Variants in IMMP2L observed in about 807,000 individuals in gnomAD.
IMMP2L encodes inner mitochondrial membrane peptidase subunit 2.
A neutral mutation model predicts 19.3 loss-of-function variants in IMMP2L; 18 were observed. That is an observed-to-expected ratio of 0.93 (90% CI 0.64 to 1.38). The LOEUF is 1.38. IMMP2L is among the 40% of genes most tolerant of loss of function. The pLI, the probability that IMMP2L is intolerant of heterozygous loss-of-function variation, is 0.00. For missense variants in IMMP2L, 233 were observed against 218.2 expected (o/e 1.07, Z -0.43); for synonymous variants, 76 against 73.0 (o/e 1.04, Z -0.21).
At chr7:110,669,083 G>GTATATATA (rs1791695580) in intron 5 of IMMP2L, among the ~76,000 whole-genome samples, 2 of 101,338 alleles carry the variant, frequency 2.0e-5, no homozygotes, top group African/African-American at 5.6e-5. Flanking sequence ...GTGTGTGTGT[G>GTATATATA]TGTGTGTATA....
chr7:111,088,730 C>T (rs753459418), intron 3 of IMMP2L, among the ~76,000 whole-genome samples: 6 of 152,124 alleles, frequency 3.9e-5, no homozygotes, highest in Admixed American at 2.6e-4. Context: ...TCATATGGTA[C>T]TTCATTATAT....
chr7:110,986,204 C>G (rs999536492), intron 3 of IMMP2L, among the ~76,000 whole-genome samples: 1 of 151,822 alleles, frequency 6.6e-6, no homozygotes, highest in African/African-American at 2.4e-5. Context: ...TTAAAATATG[C>G]TGAGCTTAAA....
intron 3 of IMMP2L, among the ~76,000 whole-genome samples, chr7:111,282,151 T>C (rs1819955825): frequency 6.6e-6 from 1 of 152,104 alleles, no homozygotes; most frequent in South Asian, 2.1e-4. Context: ...TTGGCTATGA[T>C]GGAAAACAAG....
At chr7:110,893,242 T>A (rs1042394701) in intron 4 of IMMP2L, among the ~76,000 whole-genome samples, 28 of 152,124 alleles carry the variant, frequency 1.8e-4, no homozygotes, top group Admixed American at 1.6e-3. Flanking sequence ...AAAACCAACA[T>A]ATTCTTTTGG....
intron 3 of IMMP2L, among the ~76,000 whole-genome samples, chr7:111,251,196 A>ATTTTTTTTTTTTTTTAT: frequency 6.6e-6 from 1 of 152,226 alleles, no homozygotes; most frequent in Non-Finnish European, 1.5e-5. Context: ...AATCACAATG[A>ATTTTTTTTTTTTTTTAT]GATACCATCT....
rs1837538200 is a variant in IMMP2L, at chr7:111,439,767, A to C, written c.239+47471T>G. Among the ~76,000 whole-genome samples, 4 of 151,882 alleles carry C rather than the reference A, an allele frequency of 2.6e-5. No homozygotes were observed. The East Asian group carries it at 7.7e-4, about 29-fold the overall frequency. ...GCTGCATCAATTGGCTCTTCTCTTC[A>C]TGAAAGATTTCTCTGTAGCATGCAT... On this transcript the variant is annotated intron_variant, in intron 3 of 5. Transcript: ENST00000405709.
chr7:111,348,825 G>C (rs1008943082), intron 3 of IMMP2L, among the ~76,000 whole-genome samples: 2 of 151,926 alleles, frequency 1.3e-5, no homozygotes, highest in Non-Finnish European at 2.9e-5. Context: ...GACATCCAAG[G>C]GTTCTGGTAT....
chr7:111,536,684 T>C lies in IMMP2L; in HGVS notation c.-2-15235A>G, dbSNP rs555042667. Among the ~76,000 whole-genome samples the C allele has an allele frequency of 4.6e-5, 7 of 152,244 alleles. No individual in the cohort carries two copies. The East Asian group carries it at 1.3e-3, about 29-fold the overall frequency. ...TAGAAAAGAAGTTCCCTTGCACATA[T>C]AAAAAATTTTTTTCAATTTATAAAT... On this transcript the variant is annotated intron_variant, in intron 1 of 5. Transcript: ENST00000405709.
intron 3 of IMMP2L, among the ~76,000 whole-genome samples, chr7:111,172,045 CA>C (rs898598687): frequency 1.3e-5 from 2 of 151,100 alleles, no homozygotes; most frequent in Admixed American, 1.3e-4. Context: ...TAATCTCAAT[CA>C]AAAAAGTAGT....
In IMMP2L at chr7:111,464,240, G is replaced by A. The variant is rs532169444; in HGVS notation, c.239+22998C>T. 1.9e-4 allele frequency among the ~76,000 whole-genome samples: 29 copies of A among 152,314 alleles called. 1 individual carries two copies. Among genetic ancestry groups the A allele is most frequent in the Non-Finnish European group, 2.4e-4 (16 of 68,036 alleles). ...TGTAATCCCAATACTTTGGGAAGCCGAGGTGGGAGAATCGTTTGAAGTCAG... is the reference window on the plus strand; with the variant it reads ...TGTAATCCCAATACTTTGGGAAGCCAAGGTGGGAGAATCGTTTGAAGTCAG... On this transcript the variant is annotated intron_variant, in intron 3 of 5. Coordinates refer to ENST00000405709, the MANE Select transcript of IMMP2L (RefSeq NM_032549.4).
chr7:111,390,858 C>T (rs1014424293), intron 3 of IMMP2L: 2 of 151,942 alleles, frequency 1.3e-5, no homozygotes, highest in Non-Finnish European at 2.9e-5. Context: ...CATTTTAAAA[C>T]AAAAAAGCAC....
In IMMP2L at chr7:111,123,136, T is replaced by C; in HGVS notation, c.240-159571A>G. The C allele has an allele frequency of 1.2e-6, 2 of 1,613,924 alleles. No homozygotes were observed. Among genetic ancestry groups the C allele is most frequent in the Non-Finnish European group, 1.7e-6 (2 of 1,179,920 alleles). On this transcript the variant is annotated intron_variant, in intron 3 of 5. Coordinates refer to ENST00000405709, the MANE Select transcript of IMMP2L (RefSeq NM_032549.4). This position sits in a 1 kb window ranked among gnomAD's most constrained non-coding sequence, Gnocchi z 6.4. ...AAAGATGCCTCAGCTCCTTTCTGTG[T>C]ACCTAGAGGAAAACAAACTTACTGA...
intron 4 of IMMP2L, among the ~76,000 whole-genome samples, chr7:110,956,297 T>C (rs1818345418): frequency 1.3e-5 from 2 of 152,036 alleles, no homozygotes; most frequent in African/African-American, 4.8e-5. Context: ...GCAATATCAA[T>C]ACTAGTTAAA....
intron 4 of IMMP2L, among the ~76,000 whole-genome samples, chr7:110,893,416 TTAGTC>T (rs1156316703): frequency 2.0e-5 from 3 of 152,168 alleles, no homozygotes; most frequent in Non-Finnish European, 4.4e-5. Context: ...GCTTCTTACT[TTAGTC>T]TAACGCTTTT....
chr7:111,242,781 G>A (rs1034771576), intron 3 of IMMP2L, among the ~76,000 whole-genome samples: 7 of 151,602 alleles, frequency 4.6e-5, no homozygotes, highest in African/African-American at 1.7e-4. Flanking sequence ...AGAAATTCTG[G>A]GAGGCTAAAA....
intron 5 of IMMP2L, among the ~76,000 whole-genome samples, chr7:110,688,161 T>C (rs1371575894): frequency 6.6e-6 from 1 of 152,032 alleles, no homozygotes; most frequent in Non-Finnish European, 1.5e-5. Context: ...CTCCAGTTTA[T>C]GCCATGTGAA....
chr7:110,886,657 C>G lies in IMMP2L; in HGVS notation c.344G>C (p.Arg115Pro). The G allele has an allele frequency of 6.2e-7, 1 of 1,608,516 alleles. No homozygotes were observed. The highest frequency in any genetic ancestry group is 8.5e-7 in the Non-Finnish European group (1 of 1,175,288). ...ATCACCTTCAACCCAGATGTGACCACGGGGGACTTTGACATACCGGTTTTT... is the reference window on the plus strand; with the variant it reads ...ATCACCTTCAACCCAGATGTGACCAGGGGGGACTTTGACATACCGGTTTTT... ...GHKNRYVKVPRGHIWVEGDHH... is the reference protein window; with the variant it reads ...GHKNRYVKVPPGHIWVEGDHH... Residue 115 changes from arginine (R) to proline (P), a missense_variant, in exon 5 of 6, where the codon CGT (arginine) becomes CCT (proline). Transcript: ENST00000405709.
intron 3 of IMMP2L, among the ~76,000 whole-genome samples, chr7:111,372,586 T>C (rs549298152): frequency 1.3e-5 from 2 of 151,962 alleles, no homozygotes; most frequent in African/African-American, 4.8e-5. Context: ...AAATGATCAC[T>C]TGACTTTGTC....
intron 5 of IMMP2L, among the ~76,000 whole-genome samples, chr7:110,678,208 G>A (rs921658019): frequency 3.9e-5 from 6 of 152,074 alleles, no homozygotes; most frequent in African/African-American, 1.2e-4. Context: ...CTATAAAATT[G>A]TAGTCTATTT....
Sources: allele counts gnomAD v4.1 joint callset (sites outside exome capture counted in the v4.1 genomes callset), GRCh38; gene constraint gnomAD v4.1.1; non-coding constraint Gnocchi (gnomAD v3.1); transcripts MANE v1.5; gene names NCBI Gene and HGNC (gene_info 2026-07-23, HGNC 2026-07-21).